Variants in CGGBP1 observed in about 807,000 individuals in gnomAD.
CGGBP1 encodes CGG triplet repeat-binding protein 1.
A neutral mutation model predicts 11.4 loss-of-function variants in CGGBP1; 4 were observed. That is an observed-to-expected ratio of 0.35 (90% CI 0.17 to 0.80). The LOEUF (loss-of-function observed/expected upper bound fraction) is 0.80, where lower values mean the gene tolerates loss of function less well. CGGBP1 is among the 30% of genes least tolerant of loss of function. The pLI is 0.52. For missense variants in CGGBP1, 135 were observed against 202.1 expected, an observed-to-expected ratio of 0.67 and a Z score of 2.01; for synonymous variants, 76 against 74.1, an observed-to-expected ratio of 1.03 and a Z score of -0.13.
At chr3:88,067,551 T>C (rs1464965009) in intron 2 of CGGBP1, among the ~76,000 whole-genome samples, 2 of 152,190 alleles carry the variant, frequency 1.3e-5, no homozygotes, top group Non-Finnish European at 2.9e-5. Context: ...AAAGGATGAG[T>C]CTTCAAATAA....
In CGGBP1 at chr3:88,055,531, G is replaced by A; in HGVS notation, c.446C>T (p.Ala149Val). 1 of 1,564,012 alleles carries A rather than the reference G, an allele frequency of 6.4e-7. No homozygotes were observed. The highest frequency in any genetic ancestry group is 8.7e-7 in the Non-Finnish European group (1 of 1,152,364). The change falls in exon 4 of 4, where the codon GCA (alanine) becomes GTA (valine). Residue 149 changes from alanine (A) to valine (V), a missense_variant. Transcript: ENST00000482016. The surrounding 1 kb of genome is among the most constrained non-coding windows in gnomAD (Gnocchi z 4.2). Reference protein sequence around the residue: ...SIPKSDQLRRAYLPDGYENEN... With the variant: ...SIPKSDQLRRVYLPDGYENEN... ...ATTCTCATATCCATCAGGAAGATAT[G>A]CCCTCCGTAGCTGGTCTGACTTAGG... is the stretch of plus-strand genomic sequence containing the variant.
intron 2 of CGGBP1, among the ~76,000 whole-genome samples, chr3:88,082,048 C>G (rs1708104063): frequency 6.6e-6 from 1 of 152,100 alleles, no homozygotes; most frequent in African/African-American, 2.4e-5. Flanking sequence ...TCAACAAATT[C>G]ATACAGGAGT....
intron 2 of CGGBP1, chr3:88,135,331 A>ATGGTGATGTG: frequency 1.5e-6 from 1 of 662,776 alleles, no homozygotes. Flanking sequence ...CACATTCTCC[A>ATGGTGATGTG]TACATTACAT....
chr3:88,129,819 T>C, intron 2 of CGGBP1: 5 of 1,473,618 alleles, frequency 3.4e-6, no homozygotes, highest in Non-Finnish European at 4.5e-6. Context: ...GGATATGTAC[T>C]GTATCTGGTA....
At chr3:88,109,989 T>C (rs569574699) in intron 2 of CGGBP1, among the ~76,000 whole-genome samples, 15 of 152,118 alleles carry the variant, frequency 9.9e-5, no homozygotes, top group Non-Finnish European at 2.2e-4. Flanking sequence ...TTCAACAAAA[T>C]TGACATATGC....
rs1233445362 is a variant in CGGBP1 at position 88,053,272 on chromosome 3, A to G, written c.*2201T>C. On this transcript the variant is annotated 3_prime_UTR_variant, in exon 4 of 4. Transcript: ENST00000482016. Reference sequence around the variant, plus strand: ...ACTTTAGACACAGTTAACTAGCTTCAGGGAACAAAAGTTCCATAATCAATG... The same window carrying G: ...ACTTTAGACACAGTTAACTAGCTTCGGGGAACAAAAGTTCCATAATCAATG... 1 of 152,158 alleles carries G rather than the reference A, an allele frequency of 6.6e-6. No homozygotes were observed. The highest frequency in any genetic ancestry group is 2.4e-5 in the African/African-American group (1 of 41,452). The allele number at this position is 152,158 out of a possible 1,614,324, so 9.4% of individuals were successfully genotyped here.
chr3:88,096,419 C>T (rs1296612721), intron 2 of CGGBP1, among the ~76,000 whole-genome samples: 2 of 152,096 alleles, frequency 1.3e-5, no homozygotes, highest in Non-Finnish European at 2.9e-5. Flanking sequence ...GATCTTGAAG[C>T]AGAGGGGTAA....
At chr3:88,131,165 A>G (rs1457298078) in intron 2 of CGGBP1, among the ~76,000 whole-genome samples, 4 of 152,148 alleles carry the variant, frequency 2.6e-5, no homozygotes, top group Admixed American at 1.3e-4. Flanking sequence ...ACTGTACTGA[A>G]TGCTGTAGGC....
intron 2 of CGGBP1, among the ~76,000 whole-genome samples, chr3:88,104,968 G>C (rs568840348): frequency 2.0e-5 from 3 of 152,134 alleles, no homozygotes; most frequent in Non-Finnish European, 4.4e-5. Context: ...GTGAAACCCT[G>C]TCTCTACTAA....
At chr3:88,061,741 G>A (rs188218161), upstream of CGGBP1, among the ~76,000 whole-genome samples, 4 of 152,212 alleles carry the variant, frequency 2.6e-5, no homozygotes, top group Non-Finnish European at 1.5e-5. Flanking sequence ...ATTCCTAGTC[G>A]AAGATTTCTT....
At chr3:88,117,458 A>G (rs1344228557) in intron 2 of CGGBP1, among the ~76,000 whole-genome samples, 1 of 152,192 alleles carries the variant, frequency 6.6e-6, no homozygotes, top group Non-Finnish European at 1.5e-5. Context: ...CCTATAGTTT[A>G]TAAGATAGAG....
chr3:88,106,346 G>GT (rs1002845793), intron 2 of CGGBP1, among the ~76,000 whole-genome samples: 2 of 151,738 alleles, frequency 1.3e-5, no homozygotes, highest in East Asian at 1.9e-4. Flanking sequence ...TTATCTTTTT[G>GT]TTTTTTTGGA....
At chr3:88,071,845 T>G (rs4858989) in intron 2 of CGGBP1, among the ~76,000 whole-genome samples, 143,200 of 152,242 alleles carry the variant, frequency 0.94, 67,874 homozygotes, top group Non-Finnish European at 1. Context: ...AACTTCACTT[T>G]TGAAGCCATT....
At position 88,140,649 on chromosome 3, in the gene CGGBP1, G is replaced by A; in HGVS notation, c.-229+321C>T. 4 of 1,613,720 alleles carry A rather than the reference G, an allele frequency of 2.5e-6. No individual in the cohort carries two copies. The East Asian group carries it at 8.9e-5, about 36-fold the overall frequency. On this transcript the variant is annotated intron_variant, in intron 2 of 3. Coordinates refer to the CGGBP1 transcript ENST00000462901. ...AACACCTTTAGTTTCATCAGATCCTGCTTTGAAAATTGATACAAACAGAAT... is the reference window on the plus strand; with the variant it reads ...AACACCTTTAGTTTCATCAGATCCTACTTTGAAAATTGATACAAACAGAAT...
intron 2 of CGGBP1, among the ~76,000 whole-genome samples, chr3:88,108,324 A>G (rs1704871202): frequency 1.3e-5 from 2 of 152,040 alleles, no homozygotes; most frequent in Admixed American, 6.6e-5. Context: ...AAGGCAAGCT[A>G]TTTTATCTAG....
At chr3:88,115,827 T>G (rs1443253783) in intron 2 of CGGBP1, among the ~76,000 whole-genome samples, 1 of 152,162 alleles carries the variant, frequency 6.6e-6, no homozygotes, top group African/African-American at 2.4e-5. Context: ...TCTAGCAGTT[T>G]TCGAGATTCC....
At position 88,052,483 on chromosome 3, in the gene CGGBP1, A is replaced by C. The variant is rs775445102; in HGVS notation, c.*2990T>G. On this transcript the variant is annotated 3_prime_UTR_variant, in exon 4 of 4. Coordinates refer to ENST00000482016, the MANE Select transcript of CGGBP1 (RefSeq NM_001008390.2). The stretch of plus-strand genomic sequence containing the variant: ...TGTGGCTTTTGTTTTGGGCCATCTT[A>C]AGTTTTGTGTTTTCCATTAACATTC... 7.0e-4 allele frequency: 107 copies of C among 152,706 alleles called. 1 individual carries two copies. Among genetic ancestry groups the C allele is most frequent in the Non-Finnish European group, 2.5e-4 (17 of 67,998 alleles). The allele number at this position is 152,706 out of a possible 1,614,324, so 9.5% of individuals were successfully genotyped here.
intron 2 of CGGBP1, among the ~76,000 whole-genome samples, chr3:88,101,128 A>T (rs1704396881): frequency 6.6e-6 from 1 of 152,178 alleles, no homozygotes; most frequent in Admixed American, 6.6e-5. Flanking sequence ...AAGCTTTATT[A>T]AAAAGTATAA....
intron 2 of CGGBP1, among the ~76,000 whole-genome samples, chr3:88,096,363 T>C (rs1169082217): frequency 6.6e-6 from 1 of 151,944 alleles, no homozygotes; most frequent in Non-Finnish European, 1.5e-5. Flanking sequence ...CAGCACCGAT[T>C]TGTGTGAGAG....
Sources: gnomAD v4.1 joint callset for allele counts (sites outside exome capture counted in the v4.1 genomes callset) on GRCh38, gnomAD v4.1.1 for gene constraint, Gnocchi (gnomAD v3.1) non-coding constraint, MANE v1.5 for transcripts, NCBI Gene and HGNC (gene_info 2026-07-23, HGNC 2026-07-21) for gene names.